AFG2A: variants seen among roughly 807,000 people sequenced by gnomAD.
AFG2A encodes the protein AAA ATPase AFG2A, also known as ATPase family gene 2 protein homolog A.
chr4:123,086,239 A>G, the AFG2A span, among the ~76,000 whole-genome samples: 16 of 152,210 alleles, frequency 1.1e-4, no homozygotes, highest in Non-Finnish European at 2.2e-4. Context: ...CAAATTCCTT[A>G]TTTTTATTTG....
At chr4:123,000,044 G>T in the AFG2A span, among the ~76,000 whole-genome samples, 1 of 151,196 alleles carries the variant, frequency 6.6e-6, no homozygotes, top group Non-Finnish European at 1.5e-5. Flanking sequence ...GGATTCCTAG[G>T]TATTTTATTC....
chr4:123,042,723 A>C, the AFG2A span, among the ~76,000 whole-genome samples: 1 of 152,182 alleles, frequency 6.6e-6, no homozygotes, highest in African/African-American at 2.4e-5. Context: ...TTACTTAAAA[A>C]AATACTTGCT....
chr4:122,995,451 T>C, the AFG2A span, among the ~76,000 whole-genome samples: 1 of 152,170 alleles, frequency 6.6e-6, no homozygotes, highest in African/African-American at 2.4e-5. Context: ...TTTGGGAAAG[T>C]AGATTACTTT....
At chr4:123,197,432 C>T in the AFG2A span, among the ~76,000 whole-genome samples, 1 of 152,168 alleles carries the variant, frequency 6.6e-6, no homozygotes. Context: ...CTGTTAGGCT[C>T]ACTGACCATG....
the AFG2A span, among the ~76,000 whole-genome samples, chr4:122,926,955 G>T: frequency 6.6e-6 from 1 of 152,064 alleles, no homozygotes; most frequent in African/African-American, 2.4e-5. Flanking sequence ...CTATTAACTG[G>T]CAGCACAGAG....
the AFG2A span, among the ~76,000 whole-genome samples, chr4:123,054,541 A>AC: frequency 1.3e-5 from 2 of 151,744 alleles, no homozygotes; most frequent in Non-Finnish European, 2.9e-5. Flanking sequence ...ACACAGTGAA[A>AC]CCCTGTCTCT....
At chr4:123,097,782 A>C in the AFG2A span, among the ~76,000 whole-genome samples, 1,136 of 152,234 alleles carry the variant, frequency 7.5e-3, 6 homozygotes, top group Middle Eastern at 0.044. Flanking sequence ...GTCTTACTTC[A>C]TTTCGATGTT....
chr4:123,077,994 A>G, the AFG2A span, among the ~76,000 whole-genome samples: 2 of 152,224 alleles, frequency 1.3e-5, no homozygotes. Flanking sequence ...AGAAAATCAT[A>G]TCTTACACAG....
chr4:123,179,442 G>A, the AFG2A span, among the ~76,000 whole-genome samples: 6 of 152,206 alleles, frequency 3.9e-5, no homozygotes, highest in Admixed American at 3.9e-4. Context: ...CTGGGTCCAA[G>A]TGATTCTTGA....
the AFG2A span, among the ~76,000 whole-genome samples, chr4:122,995,824 G>C: frequency 2.0e-5 from 3 of 152,180 alleles, no homozygotes; most frequent in Non-Finnish European, 4.4e-5. Flanking sequence ...AATACTTCAT[G>C]AGTGTTTGCT....
chr4:123,061,618 A>G, the AFG2A span, among the ~76,000 whole-genome samples: 3 of 152,262 alleles, frequency 2.0e-5, no homozygotes, highest in East Asian at 1.9e-4. Context: ...CCCTTGACAC[A>G]TGGGGATTAT....
chr4:123,011,302 T>C, the AFG2A span, among the ~76,000 whole-genome samples: 1 of 152,226 alleles, frequency 6.6e-6, no homozygotes, highest in African/African-American at 2.4e-5. Context: ...CTTGGCAGAG[T>C]AGGCTTTTTA....
At chr4:122,959,886 T>C in the AFG2A span, among the ~76,000 whole-genome samples, 2 of 152,218 alleles carry the variant, frequency 1.3e-5, no homozygotes, top group East Asian at 3.8e-4. Flanking sequence ...ATAATGAATA[T>C]GAAAATTGGA....
chr4:122,995,712 G>A, the AFG2A span, among the ~76,000 whole-genome samples: 1 of 152,128 alleles, frequency 6.6e-6, no homozygotes, highest in South Asian at 2.1e-4. Flanking sequence ...AATTTAATTT[G>A]CAATTTCTGA....
the AFG2A span, among the ~76,000 whole-genome samples, chr4:123,211,936 A>G: frequency 6.6e-6 from 1 of 152,198 alleles, no homozygotes; most frequent in Non-Finnish European, 1.5e-5. Context: ...ATATCTTTCT[A>G]ATCATAGAAG....
the AFG2A span, among the ~76,000 whole-genome samples, chr4:123,082,326 T>C: frequency 6.6e-6 from 1 of 152,130 alleles, no homozygotes; most frequent in African/African-American, 2.4e-5. Context: ...GGGATGTGTC[T>C]AGATTCATTT....
At chr4:123,103,771 A>G in the AFG2A span, among the ~76,000 whole-genome samples, 3 of 152,322 alleles carry the variant, frequency 2.0e-5, no homozygotes, top group South Asian at 4.1e-4. Flanking sequence ...GAATGAATAA[A>G]TAAGTTGCAA....
chr4:122,923,097 C>G, the AFG2A span: 3 of 1,610,188 alleles, frequency 1.9e-6, no homozygotes, highest in East Asian at 2.2e-5. Flanking sequence ...GAAGCGCGCA[C>G]ATTGAGTCGG....
At chr4:123,151,867 G>C in the AFG2A span, among the ~76,000 whole-genome samples, 1 of 151,954 alleles carries the variant, frequency 6.6e-6, no homozygotes. Flanking sequence ...TAAAAACTTG[G>C]AACCAACCCA....
Sources: gnomAD v4.1 joint callset for allele counts (sites outside exome capture counted in the v4.1 genomes callset) on GRCh38, gnomAD v4.1.1 for gene constraint, MANE v1.5 for transcripts, NCBI Gene and HGNC (gene_info 2026-07-23, HGNC 2026-07-21) for gene names.